DISC1: variants seen among roughly 807,000 people sequenced by gnomAD.
DISC1 encodes the protein DISC1 scaffold protein.
In DISC1, 57 loss-of-function variants were observed where a neutral mutation model predicts 84.5. That is an observed-to-expected ratio of 0.67 (90% CI 0.55 to 0.84). The LOEUF is 0.84. DISC1 is among the 40% of genes least tolerant of loss of function. The probability of loss-of-function intolerance (pLI) is 0.00; values close to 1 mark genes in which losing one functional copy is unlikely to be tolerated. For missense variants in DISC1, 1,000 were observed against 1,057.8 expected (o/e 0.95, Z 0.76); for synonymous variants, 411 against 415.2 (o/e 0.99, Z 0.12).
intron 9 of DISC1, among the ~76,000 whole-genome samples, chr1:231,952,112 A>G (rs1446680147): frequency 6.8e-6 from 1 of 148,088 alleles, no homozygotes; most frequent in African/African-American, 2.5e-5. Context: ...AAAAAAAAAA[A>G]AGAAAAGAAA....
At chr1:231,798,385 T>C (rs774559997) in intron 7 of DISC1, among the ~76,000 whole-genome samples, 7 of 152,292 alleles carry the variant, frequency 4.6e-5, no homozygotes, top group Non-Finnish European at 8.8e-5. Context: ...AAAGGTTGTT[T>C]AGTATTAATA....
chr1:231,996,147 A>C (rs1209190544), intron 10 of DISC1, among the ~76,000 whole-genome samples: 2 of 152,098 alleles, frequency 1.3e-5, no homozygotes, highest in African/African-American at 4.8e-5. Context: ...TTCTTTTGAG[A>C]AGTGTCTGTT....
intron 9 of DISC1, among the ~76,000 whole-genome samples, chr1:231,857,648 G>A (rs893689132): frequency 2.0e-5 from 3 of 152,122 alleles, no homozygotes; most frequent in African/African-American, 4.8e-5. Context: ...TTAGAATCTT[G>A]AAAAAATTGT....
rs1207565520 is a variant in DISC1 at position 232,037,588 on chromosome 1, A to AT, written c.*761dup. The stretch of plus-strand genomic sequence containing the variant: ...TGTATAAAATGTTTGAGCCTGTTCC[A>AT]TTTTCCCGTGGAACCTGTTTCACTC... On this transcript the variant is annotated 3_prime_UTR_variant, in exon 13 of 13. Transcript: ENST00000439617. The AT allele has an allele frequency of 6.6e-6, 1 of 152,170 alleles. No individual in the cohort carries two copies. Among genetic ancestry groups the AT allele is most frequent in the Non-Finnish European group, 1.5e-5 (1 of 68,056 alleles). 9.4% of individuals were successfully genotyped at this position (152,170 alleles called of 1,614,324 possible). A position where few individuals can be genotyped will look rare whatever the true frequency, so the allele number is the denominator to read the frequency against.
chr1:231,988,329 T>C (rs1664740973), intron 10 of DISC1, among the ~76,000 whole-genome samples: 1 of 152,246 alleles, frequency 6.6e-6, no homozygotes, highest in South Asian at 2.1e-4. Flanking sequence ...CTTTTAATAA[T>C]ATTCCCCAAG....
At chr1:231,917,040 T>G (rs2089684859) in intron 9 of DISC1, among the ~76,000 whole-genome samples, 1 of 152,198 alleles carries the variant, frequency 6.6e-6, no homozygotes, top group Non-Finnish European at 1.5e-5. Context: ...TACACCCTCT[T>G]TCGGGGTACG....
chr1:231,935,725 A>T (rs1011000129), intron 9 of DISC1, among the ~76,000 whole-genome samples: 1 of 152,242 alleles, frequency 6.6e-6, no homozygotes, highest in East Asian at 1.9e-4. Context: ...TAAGTTGCCC[A>T]TAAAGTACAC....
In DISC1 at chr1:231,913,194, C is replaced by T. The variant is rs558820782; in HGVS notation, c.1982-45634C>T. Among the ~76,000 whole-genome samples the T allele has an allele frequency of 1.1e-4, 16 of 152,298 alleles. No individual in the cohort carries two copies. In the South Asian group the frequency reaches 2.5e-3, roughly 24 times the overall value. On this transcript the variant is annotated intron_variant, in intron 9 of 12. Transcript: ENST00000439617. ...CCCAAAAAAGCATCTTGTTTTTACT[C>T]GCATGCTTTGTCCCTCTGCCAGGAC... is the stretch of plus-strand genomic sequence containing the variant.
Position 231,694,229 on chromosome 1 carries a change from C to T in DISC1, c.471C>T (p.Asp157=), listed in dbSNP as rs780432594. ...FAAMDSSETL[D]ASWEAACSDG... ...CCATGGATAGTTCTGAGACCCTGGA[C>T]GCCAGCTGGGAGGCAGCCTGCAGCG... The change falls in exon 2 of 13, where the codon GAC becomes GAT. Residue 157 remains aspartate, a synonymous_variant. Coordinates refer to ENST00000439617, the MANE Select transcript of DISC1 (RefSeq NM_018662.3). The T allele has an allele frequency of 2.2e-5, 35 of 1,614,058 alleles. No individual in the cohort carries two copies. The highest frequency in any genetic ancestry group is 3.3e-4 in the Middle Eastern group (2 of 6,084).
At chr1:231,939,052 C>T (rs1268345094) in intron 9 of DISC1, among the ~76,000 whole-genome samples, 1 of 152,252 alleles carries the variant, frequency 6.6e-6, no homozygotes, top group African/African-American at 2.4e-5. Flanking sequence ...CCCCCTCCTA[C>T]ACGTAATCGT....
intron 6 of DISC1, among the ~76,000 whole-genome samples, chr1:231,785,975 CTA>C (rs1236129709): frequency 2.0e-5 from 3 of 152,006 alleles, no homozygotes; most frequent in African/African-American, 7.2e-5. Context: ...ATATTTGTCT[CTA>C]TTTTATATTT....
intron 9 of DISC1, among the ~76,000 whole-genome samples, chr1:231,946,016 G>A (rs551859651): frequency 9.2e-4 from 140 of 152,226 alleles, no homozygotes; most frequent in African/African-American, 3.2e-3. Flanking sequence ...ATTCACAGCC[G>A]AATTCTACCA....
intron 8 of DISC1, among the ~76,000 whole-genome samples, chr1:231,807,585 C>T (rs1013858999): frequency 6.6e-6 from 1 of 152,186 alleles, no homozygotes; most frequent in Non-Finnish European, 1.5e-5. Flanking sequence ...TTTTCATCTC[C>T]TGCCCTGACT....
At chr1:231,932,976 T>A (rs1419839188) in intron 9 of DISC1, among the ~76,000 whole-genome samples, 5 of 152,264 alleles carry the variant, frequency 3.3e-5, no homozygotes, top group South Asian at 2.1e-4. Flanking sequence ...AAACATCCAA[T>A]GTAATCATAT....
chr1:231,849,330 G>A (rs1353625485), intron 9 of DISC1, among the ~76,000 whole-genome samples: 1 of 152,118 alleles, frequency 6.6e-6, no homozygotes, highest in Non-Finnish European at 1.5e-5. Context: ...CTGTTGGTCA[G>A]GCTGGTCTTG....
chr1:231,823,525 T>C lies in DISC1; in HGVS notation c.1981+5008T>C, dbSNP rs114684877. 4.5e-3 allele frequency among the ~76,000 whole-genome samples: 684 copies of C among 152,318 alleles called. 6 individuals are homozygous for C. Among genetic ancestry groups the C allele is most frequent in the African/African-American group, 0.015 (621 of 41,560 alleles). ...AGCACCTTGAAAAGCACAGAGCTTT[T>C]TGGGAATTCAGAGTGATGCTAAATT... On this transcript the variant is annotated intron_variant, in intron 9 of 12. Transcript: ENST00000439617.
intron 2 of DISC1, among the ~76,000 whole-genome samples, chr1:231,696,467 C>T (rs200148510): frequency 6.6e-5 from 10 of 152,198 alleles, no homozygotes; most frequent in African/African-American, 2.4e-4. Context: ...AAATTCCTAT[C>T]TTATCTCAAA....
intron 3 of DISC1, among the ~76,000 whole-genome samples, chr1:231,713,749 GATATATATATAGGAGAT>G (rs2068232872): frequency 1.4e-5 from 1 of 71,294 alleles, no homozygotes; most frequent in African/African-American, 4.0e-5. Flanking sequence ...ATATATAGGA[GATATATATATAGGAGAT>G]ATATATATAG....
intron 3 of DISC1, among the ~76,000 whole-genome samples, chr1:231,713,858 G>GAT (rs1467374155): frequency 3.9e-5 from 5 of 129,220 alleles, no homozygotes; most frequent in Non-Finnish European, 8.6e-5. Context: ...ATATATATAG[G>GAT]AGATATATAT....
Sources: allele counts gnomAD v4.1 joint callset (sites outside exome capture counted in the v4.1 genomes callset), GRCh38; gene constraint gnomAD v4.1.1; transcripts MANE v1.5; gene names NCBI Gene and HGNC (gene_info 2026-07-23, HGNC 2026-07-21).